ACER3: variants seen among roughly 807,000 people sequenced by gnomAD.
ACER3 encodes the protein alkCDase 3.
In ACER3, 16 loss-of-function variants were observed where a neutral mutation model predicts 48.9. The ratio of observed to expected loss-of-function variants is 0.33; its 90% CI spans 0.22 to 0.50. The LOEUF is 0.50. Ranked by LOEUF, ACER3 falls within the 20% of genes least tolerant of loss-of-function variation. The pLI is 0.98. For missense variants in ACER3, 227 were observed against 326.0 expected, an observed-to-expected ratio of 0.70 and a Z score of 2.34; for synonymous variants, 109 against 107.8, an observed-to-expected ratio of 1.01 and a Z score of -0.07.
rs571736981 is a variant in ACER3 at position 77,007,311 on chromosome 11, G to A, written c.498-7705G>A. On this transcript the variant is annotated intron_variant, in intron 7 of 10. Transcript: ENST00000532485. ...CTGCTCTCTTCCTCCTCTCCTTCTGGGGGACACCAATAACAAGACACTTAG... is the reference window on the plus strand; with the variant it reads ...CTGCTCTCTTCCTCCTCTCCTTCTGAGGGACACCAATAACAAGACACTTAG... 1.4e-4 allele frequency among the ~76,000 whole-genome samples: 22 copies of A among 151,738 alleles called. No individual in the cohort carries two copies. In the South Asian group the frequency reaches 4.2e-3, roughly 29 times the overall value.
At chr11:76,962,614 G>T (rs562338789) in intron 3 of ACER3, among the ~76,000 whole-genome samples, 1 of 151,582 alleles carries the variant, frequency 6.6e-6, no homozygotes, top group African/African-American at 2.4e-5. Flanking sequence ...AAACAGCAGT[G>T]GACCTCTATC....
At chr11:76,878,715 T>A (rs1432705290) in intron 1 of ACER3, among the ~76,000 whole-genome samples, 4 of 151,964 alleles carry the variant, frequency 2.6e-5, no homozygotes, top group Non-Finnish European at 5.9e-5. Context: ...CAGGTTAGGG[T>A]TGGTTTATGT....
intron 6 of ACER3, among the ~76,000 whole-genome samples, chr11:76,998,339 G>T (rs530942435): frequency 6.6e-6 from 1 of 152,272 alleles, no homozygotes; most frequent in African/African-American, 2.4e-5. Context: ...GCATATAAAT[G>T]CAGAGGCATT....
intron 1 of ACER3, among the ~76,000 whole-genome samples, chr11:76,914,097 T>C (rs965769181): frequency 1.3e-5 from 2 of 152,170 alleles, no homozygotes; most frequent in African/African-American, 2.4e-5. Context: ...ATAAAAACCC[T>C]GGAAGAAAAC....
At chr11:76,946,482 C>T (rs1947477081) in intron 2 of ACER3, among the ~76,000 whole-genome samples, 1 of 151,468 alleles carries the variant, frequency 6.6e-6, no homozygotes. Context: ...CCACATCAGC[C>T]CAAACTCAGC....
intron 2 of ACER3, among the ~76,000 whole-genome samples, chr11:76,951,595 C>T (rs1215534243): frequency 6.6e-6 from 1 of 152,168 alleles, no homozygotes; most frequent in Non-Finnish European, 1.5e-5. Context: ...TAATTTCAGG[C>T]ACCTTATTTT....
chr11:76,932,920 G>A (rs1947048940), intron 2 of ACER3, among the ~76,000 whole-genome samples: 1 of 150,428 alleles, frequency 6.6e-6, no homozygotes, highest in African/African-American at 2.5e-5. Flanking sequence ...TATGAAAGCA[G>A]TCTAAGATCT....
At chr11:76,958,492 C>T (rs968391956) in intron 2 of ACER3, among the ~76,000 whole-genome samples, 1 of 152,126 alleles carries the variant, frequency 6.6e-6, no homozygotes, top group Non-Finnish European at 1.5e-5. Context: ...CGGCCAGCAA[C>T]TCATTTTTAT....
chr11:76,908,384 A>G (rs772717014), intron 1 of ACER3, among the ~76,000 whole-genome samples: 2 of 152,220 alleles, frequency 1.3e-5, no homozygotes, highest in Non-Finnish European at 2.9e-5. Context: ...CCTTAAGCTG[A>G]TAAGCAACTT....
intron 2 of ACER3, among the ~76,000 whole-genome samples, chr11:76,937,502 C>T (rs10793211): frequency 0.57 from 86,856 of 151,974 alleles, 28,017 homozygotes; most frequent in Non-Finnish European, 0.74. Context: ...ATGTACATCA[C>T]AAGTACTATG....
In ACER3 at chr11:76,902,444, G is replaced by A. The variant is rs137980726; in HGVS notation, c.104-24113G>A. 3.2e-3 allele frequency among the ~76,000 whole-genome samples: 488 copies of A among 152,332 alleles called. 5 individuals carry two copies. The highest frequency in any genetic ancestry group is 0.011 in the African/African-American group (461 of 41,574). Reference sequence around the variant, plus strand: ...CAAAGTTTTTGCTCCTGCTGGCATAGCTGCAGTGATGCCTTCACAAATTCC... The same window carrying A: ...CAAAGTTTTTGCTCCTGCTGGCATAACTGCAGTGATGCCTTCACAAATTCC... On this transcript the variant is annotated intron_variant, in intron 1 of 10. Coordinates refer to ENST00000532485, the MANE Select transcript of ACER3 (RefSeq NM_018367.7).
intron 1 of ACER3, among the ~76,000 whole-genome samples, chr11:76,891,688 A>G (rs1056361294): frequency 2.0e-5 from 3 of 152,150 alleles, no homozygotes; most frequent in African/African-American, 7.2e-5. Flanking sequence ...TTCTGAGGCT[A>G]TCTCCAATTA....
chr11:76,901,371 G>T (rs1307940731), intron 1 of ACER3, among the ~76,000 whole-genome samples: 1 of 152,118 alleles, frequency 6.6e-6, no homozygotes, highest in African/African-American at 2.4e-5. Context: ...AAGCGTTCTT[G>T]TTTTCCAGGC....
intron 7 of ACER3, among the ~76,000 whole-genome samples, chr11:77,002,550 T>C (rs1949055283): frequency 1.3e-5 from 2 of 152,204 alleles, no homozygotes; most frequent in South Asian, 4.1e-4. Context: ...TATTGGTTTG[T>C]AGTTTTTATT....
In ACER3 at chr11:76,924,193, T is replaced by C. The variant is rs141613366; in HGVS notation, c.104-2364T>C. 2.7e-4 allele frequency among the ~76,000 whole-genome samples: 41 copies of C among 152,230 alleles called. No homozygotes were observed. The East Asian group carries it at 5.6e-3, about 21-fold the overall frequency. ...TGGTTTCTCGGGAATCATTGCCTGA[T>C]GTCTATTGTCTTGAAAATAGTTGTT... is the stretch of plus-strand genomic sequence containing the variant. On this transcript the variant is annotated intron_variant, in intron 1 of 10. Coordinates refer to ENST00000532485, the MANE Select transcript of ACER3 (RefSeq NM_018367.7).
At chr11:76,955,162 A>G (rs1947802915) in intron 2 of ACER3, among the ~76,000 whole-genome samples, 1 of 152,200 alleles carries the variant, frequency 6.6e-6, no homozygotes, top group Non-Finnish European at 1.5e-5. Flanking sequence ...TATATTGCTG[A>G]TAGGAATGTA....
chr11:76,917,494 A>G (rs1946564335), intron 1 of ACER3, among the ~76,000 whole-genome samples: 2 of 151,960 alleles, frequency 1.3e-5, no homozygotes, highest in African/African-American at 4.8e-5. Flanking sequence ...TGGGAGGATC[A>G]TTTCAGCTTA....
chr11:77,018,819 A>C (rs1949420735), intron 9 of ACER3, among the ~76,000 whole-genome samples: 1 of 152,376 alleles, frequency 6.6e-6, no homozygotes, highest in Non-Finnish European at 1.5e-5. Flanking sequence ...CTGCAGAAGA[A>C]AAGTTTGAAG....
chr11:76,889,737 G>A (rs558672486), intron 1 of ACER3, among the ~76,000 whole-genome samples: 2 of 152,032 alleles, frequency 1.3e-5, no homozygotes, highest in Middle Eastern at 3.4e-3. Context: ...TCTGCTTTAT[G>A]CCTCCCATCT....
Sources: gnomAD v4.1 joint callset for allele counts (sites outside exome capture counted in the v4.1 genomes callset) on GRCh38, gnomAD v4.1.1 for gene constraint, MANE v1.5 for transcripts, NCBI Gene and HGNC (gene_info 2026-07-23, HGNC 2026-07-21) for gene names.